The following EYS variants were observed in gnomAD, a reference collection of about 807,000 sequenced individuals.
The protein encoded by EYS is protein eyes shut homolog.
A neutral mutation model predicts 282.1 loss-of-function variants in EYS; 250 were observed. The observed-to-expected ratio is 0.89, with a 90% confidence interval of 0.80 to 0.98. EYS has a LOEUF of 0.98. EYS is among the 50% of genes least tolerant of loss of function. The pLI is 0.00. For synonymous variants in EYS, 1,355 were observed against 1,282.9 expected, an observed-to-expected ratio of 1.06 and a Z score of -1.20; for missense variants, 4,016 against 3,709.0, an observed-to-expected ratio of 1.08 and a Z score of -2.15.
rs116686272 is a variant in EYS at position 64,847,321 on chromosome 6, C to A, written c.2993-24499G>T. 5.1e-3 allele frequency among the ~76,000 whole-genome samples: 769 copies of A among 151,780 alleles called. 10 individuals carry two copies. Among genetic ancestry groups the A allele is most frequent in the South Asian group, 0.05 (241 of 4,824 alleles). ...TGTGTGTATCCTATTGGTTCTATTT[C>A]TCTGAAGAACGCTAATACAGATTAA... On this transcript the variant is annotated intron_variant, in intron 19 of 42. Coordinates refer to ENST00000503581, the MANE Select transcript of EYS (RefSeq NM_001142800.2).
chr6:65,435,524 G>C (rs908792501), intron 5 of EYS, among the ~76,000 whole-genome samples: 2 of 152,032 alleles, frequency 1.3e-5, no homozygotes, highest in African/African-American at 4.8e-5. Flanking sequence ...TAAGTAAAAA[G>C]AGAGAGATTA....
chr6:64,299,064 G>A (rs957540358), intron 30 of EYS, among the ~76,000 whole-genome samples: 3 of 152,154 alleles, frequency 2.0e-5, no homozygotes, highest in Non-Finnish European at 2.9e-5. Context: ...TTGGAAGGCC[G>A]GAAGGTTTTG....
chr6:63,864,604 C>G (rs1255287277), intron 35 of EYS, among the ~76,000 whole-genome samples: 1 of 152,164 alleles, frequency 6.6e-6, no homozygotes, highest in African/African-American at 2.4e-5. Flanking sequence ...TTTAAGCCAT[C>G]TATTTTTATT....
Position 65,692,739 on chromosome 6 carries a change from G to A in EYS, c.-448+14396C>T, listed in dbSNP as rs1366494110. Among the ~76,000 whole-genome samples the A allele has an allele frequency of 1.3e-5, 2 of 149,870 alleles. 1 individual carries two copies. The highest frequency in any genetic ancestry group is 4.6e-4 in the East Asian group (2 of 4,382). On this transcript the variant is annotated intron_variant, in intron 1 of 42. Transcript: ENST00000503581. Reference sequence around the variant, plus strand: ...ACATGTAGAACTATCCAGTTCTGGAGAAAGAAAGTCATTCTTTAAAATATG... The same window carrying A: ...ACATGTAGAACTATCCAGTTCTGGAAAAAGAAAGTCATTCTTTAAAATATG...
At chr6:65,319,416 C>T (rs367661614) in intron 11 of EYS, among the ~76,000 whole-genome samples, 3 of 151,368 alleles carry the variant, frequency 2.0e-5, no homozygotes, top group East Asian at 3.9e-4. Context: ...TTAATTAAAA[C>T]GCCACTCTAT....
In EYS at chr6:65,623,425, G is replaced by T. The variant is rs559300484; in HGVS notation, c.-333+16353C>A. On this transcript the variant is annotated intron_variant, in intron 2 of 42. Coordinates refer to ENST00000503581, the MANE Select transcript of EYS (RefSeq NM_001142800.2). ...ATTAAAATTTAATGCAGATATTTCA[G>T]GTGGCTTCAGCTCAAAATAATTTGG... Among the ~76,000 whole-genome samples the T allele has an allele frequency of 3.3e-5, 5 of 152,228 alleles. No homozygotes were observed. The South Asian group carries it at 1.0e-3, about 32-fold the overall frequency.
At chr6:65,255,423 T>C (rs1330487358) in intron 12 of EYS, among the ~76,000 whole-genome samples, 1 of 151,874 alleles carries the variant, frequency 6.6e-6, no homozygotes, top group Non-Finnish European at 1.5e-5. Context: ...AAATAAAACA[T>C]TGGGGAAACA....
At chr6:64,813,214 A>G (rs1764647651) in intron 22 of EYS, among the ~76,000 whole-genome samples, 164 bp downstream of exon 22, 1 of 152,052 alleles carries the variant, frequency 6.6e-6, no homozygotes, top group African/African-American at 2.4e-5. Context: ...AAATATAAAC[A>G]ATGACATTTT....
At chr6:65,047,398 T>A (rs1773136416) in intron 13 of EYS, among the ~76,000 whole-genome samples, 1 of 151,916 alleles carries the variant, frequency 6.6e-6, no homozygotes, top group African/African-American at 2.4e-5. Flanking sequence ...AATTTTTCCA[T>A]TTCTGGATCC....
At chr6:65,021,103 G>T (rs1772241008) in intron 13 of EYS, among the ~76,000 whole-genome samples, 1 of 152,172 alleles carries the variant, frequency 6.6e-6, no homozygotes, top group Non-Finnish European at 1.5e-5. Context: ...TTTCCCCATT[G>T]TCTTGGTGAT....
chr6:65,402,685 G>C (rs1260731807), intron 6 of EYS, 80 bp from the exon 7 acceptor site: 1 of 923,300 alleles, frequency 1.1e-6, no homozygotes, highest in Non-Finnish European at 1.7e-6. Context: ...CCTGGAGAAG[G>C]GTTAAAATTA....
At chr6:64,864,048 C>T (rs1048211058) in intron 19 of EYS, among the ~76,000 whole-genome samples, 2 of 152,210 alleles carry the variant, frequency 1.3e-5, no homozygotes, top group East Asian at 3.9e-4. Flanking sequence ...TCTTGTGTCA[C>T]ACATCAGTTT....
chr6:63,893,489 A>G (rs1773458754), intron 35 of EYS, among the ~76,000 whole-genome samples: 1 of 151,976 alleles, frequency 6.6e-6, no homozygotes, highest in Non-Finnish European at 1.5e-5. Context: ...AGAAAACCAA[A>G]CCCGCATGTT....
chr6:63,887,571 C>T (rs1013082614), intron 35 of EYS, among the ~76,000 whole-genome samples: 9 of 152,108 alleles, frequency 5.9e-5, no homozygotes, highest in African/African-American at 1.7e-4. Flanking sequence ...AACTCCATCC[C>T]CTAGCCAAGG....
At position 65,686,099 on chromosome 6, in the gene EYS, A is replaced by G. The variant is rs1769004487; in HGVS notation, c.-448+21036T>C. Among the ~76,000 whole-genome samples the G allele has an allele frequency of 2.6e-5, 4 of 152,044 alleles. No individual in the cohort carries two copies. In the South Asian group the frequency reaches 8.3e-4, roughly 31 times the overall value. On this transcript the variant is annotated intron_variant, in intron 1 of 42. Coordinates refer to ENST00000503581, the MANE Select transcript of EYS (RefSeq NM_001142800.2). ...ATCATGTTCTTCCCAGTGTCACCCTACATCTAATGATAGCCAGATGCAGGT... is the reference window on the plus strand; with the variant it reads ...ATCATGTTCTTCCCAGTGTCACCCTGCATCTAATGATAGCCAGATGCAGGT...
At chr6:64,199,099 TG>T (rs1765385475) in intron 31 of EYS, among the ~76,000 whole-genome samples, 1 of 152,138 alleles carries the variant, frequency 6.6e-6, no homozygotes, top group Non-Finnish European at 1.5e-5. Context: ...AAATTTCATA[TG>T]GAACCAAAAA....
chr6:65,381,583 A>G (rs908415930), intron 8 of EYS, among the ~76,000 whole-genome samples: 1 of 152,080 alleles, frequency 6.6e-6, no homozygotes, highest in Non-Finnish European at 1.5e-5. Flanking sequence ...ATGTATACCA[A>G]TGTAACGAAC....
At chr6:64,069,987 A>C (rs1771514180) in intron 32 of EYS, among the ~76,000 whole-genome samples, 1 of 152,100 alleles carries the variant, frequency 6.6e-6, no homozygotes, top group African/African-American at 2.4e-5. Context: ...ACTTAATAGG[A>C]GACAGCTGGA....
At chr6:63,741,002 G>A (rs1170466015) in intron 41 of EYS, among the ~76,000 whole-genome samples, 2 of 152,156 alleles carry the variant, frequency 1.3e-5, no homozygotes, top group African/African-American at 4.8e-5. Context: ...AATCATCTTT[G>A]GGAGACTTTA....
Sources: gnomAD v4.1 joint callset for allele counts (sites outside exome capture counted in the v4.1 genomes callset) on GRCh38, gnomAD v4.1.1 for gene constraint, MANE v1.5 for transcripts, NCBI Gene and HGNC (gene_info 2026-07-23, HGNC 2026-07-21) for gene names.